The following ARHGAP22 variants were observed in gnomAD, a reference collection of about 807,000 sequenced individuals.
ARHGAP22 encodes rho GTPase-activating protein 22.
Under a neutral mutation model 59.1 loss-of-function variants are expected in ARHGAP22, and 48 were observed. The observed-to-expected ratio is 0.81, with a 90% CI of 0.64 to 1.03. ARHGAP22 has a LOEUF of 1.03. ARHGAP22 is among the 50% of genes least tolerant of loss of function. ARHGAP22 has a pLI of 0.00. For missense variants in ARHGAP22, 1,015 were observed against 958.7 expected, an observed-to-expected ratio of 1.06 and a Z score of -0.78; for synonymous variants, 445 against 416.4, an observed-to-expected ratio of 1.07 and a Z score of -0.84.
chr10:48,481,113 C>T (rs538940229), intron 3 of ARHGAP22, among the ~76,000 whole-genome samples: 8 of 152,336 alleles, frequency 5.3e-5, no homozygotes, highest in East Asian at 3.9e-4. Flanking sequence ...CTCAGGCAGC[C>T]GCTGGGCAGC....
chr10:48,491,269 C>T (rs2050364416), intron 3 of ARHGAP22, among the ~76,000 whole-genome samples: 1 of 152,216 alleles, frequency 6.6e-6, no homozygotes, highest in Non-Finnish European at 1.5e-5. Context: ...CCGGCATGCT[C>T]CTGCTTCACG....
downstream of ARHGAP22, among the ~76,000 whole-genome samples, chr10:48,442,517 GAA>G (rs1400705833): frequency 6.6e-6 from 1 of 152,190 alleles, no homozygotes; most frequent in African/African-American, 2.4e-5. Flanking sequence ...GTGTCACAAG[GAA>G]AAGATATTCT....
intron 1 of ARHGAP22, among the ~76,000 whole-genome samples, chr10:48,601,976 G>A (rs1564978775): frequency 6.6e-6 from 1 of 152,216 alleles, no homozygotes; most frequent in Non-Finnish European, 1.5e-5. Context: ...TAGAGAGAAG[G>A]CAGAGGCCTT....
At chr10:48,655,820 G>C (rs1325730876), upstream of ARHGAP22, 1 of 152,752 alleles carries the variant, frequency 6.5e-6, no homozygotes, top group Non-Finnish European at 1.5e-5. Flanking sequence ...ACACGCATTA[G>C]CCTGGCACCT....
At chr10:48,559,388 G>A (rs766660276) in intron 2 of ARHGAP22, among the ~76,000 whole-genome samples, 3 of 152,214 alleles carry the variant, frequency 2.0e-5, no homozygotes, top group Non-Finnish European at 4.4e-5. Context: ...CCTCCTGAGA[G>A]GCTGCAGCTG....
chr10:48,588,707 C>A (rs941570323), intron 1 of ARHGAP22, among the ~76,000 whole-genome samples: 1 of 152,220 alleles, frequency 6.6e-6, no homozygotes, highest in Non-Finnish European at 1.5e-5. Context: ...ATCTATGGAG[C>A]TCCTCCAGGT....
At chr10:48,620,375 C>T (rs1427552532) in intron 1 of ARHGAP22, among the ~76,000 whole-genome samples, 3 of 152,142 alleles carry the variant, frequency 2.0e-5, no homozygotes, top group African/African-American at 7.2e-5. Flanking sequence ...GATGGAGAAG[C>T]AGGCTCAGAG....
At chr10:48,543,224 C>T (rs566242130) in intron 3 of ARHGAP22, among the ~76,000 whole-genome samples, 57 of 152,308 alleles carry the variant, frequency 3.7e-4, no homozygotes, top group African/African-American at 1.2e-3. Flanking sequence ...CATTGAGCCC[C>T]GCAGAGTCCT....
At position 48,454,284 on chromosome 10, in the gene ARHGAP22, C is replaced by T. The variant is rs1012844864; in HGVS notation, c.793-123G>A. ...CTACGGCAGCCCAGCCCCAACAGAC[C>T]AGAGGGCTCCACCACCTCCACCTCC... On this transcript the variant is annotated intron_variant, in intron 6 of 9. Transcript: ENST00000249601. The T allele has an allele frequency of 1.4e-4, 117 of 846,974 alleles. 1 individual carries two copies. Among genetic ancestry groups the T allele is most frequent in the Non-Finnish European group, 2.1e-4 (105 of 508,168 alleles). 52.5% of individuals were successfully genotyped at this position (846,974 alleles called of 1,614,324 possible). A position where few individuals can be genotyped will look rare whatever the true frequency, so the allele number is the denominator to read the frequency against.
upstream of ARHGAP22, among the ~76,000 whole-genome samples, chr10:48,608,125 A>G (rs910844215): frequency 1.3e-5 from 2 of 152,240 alleles, no homozygotes; most frequent in Non-Finnish European, 2.9e-5. Flanking sequence ...GTTGAGAACC[A>G]CAGCTTTAGA....
chr10:48,576,277 A>T (rs1470981118), intron 2 of ARHGAP22, among the ~76,000 whole-genome samples: 1 of 152,230 alleles, frequency 6.6e-6, no homozygotes, highest in East Asian at 1.9e-4. Context: ...TTCAGAGGCC[A>T]GCGTGGGGCT....
At chr10:48,445,087 G>A (rs1461418862), downstream of ARHGAP22, 1 of 152,416 alleles carries the variant, frequency 6.6e-6, no homozygotes, top group Non-Finnish European at 1.5e-5. Context: ...CACACTGTGG[G>A]AGCTGCCCTG....
intron 3 of ARHGAP22, among the ~76,000 whole-genome samples, chr10:48,521,321 G>A (rs1457958092): frequency 6.6e-6 from 1 of 152,234 alleles, no homozygotes; most frequent in Non-Finnish European, 1.5e-5. Flanking sequence ...CAGCAGGAGA[G>A]CAAGGGGCTC....
At chr10:48,608,626 A>G (rs1046708887), upstream of ARHGAP22, among the ~76,000 whole-genome samples, 1 of 152,158 alleles carries the variant, frequency 6.6e-6, no homozygotes, top group South Asian at 2.1e-4. Flanking sequence ...TCCTGCTGCC[A>G]GGAGGTCGAT....
chr10:48,584,430 G>T (rs4838427), intron 1 of ARHGAP22, among the ~76,000 whole-genome samples: 3 of 152,252 alleles, frequency 2.0e-5, no homozygotes, highest in South Asian at 2.1e-4. Context: ...CTCCATGGAG[G>T]CTTCCTTCTG....
chr10:48,447,528 G>A (rs1190045198), intron 9 of ARHGAP22, among the ~76,000 whole-genome samples: 4 of 152,120 alleles, frequency 2.6e-5, no homozygotes, highest in Non-Finnish European at 5.9e-5. Context: ...CCACCAAAAC[G>A]AAGCCTCCAT....
intron 3 of ARHGAP22, among the ~76,000 whole-genome samples, chr10:48,512,552 A>G (rs2052886975): frequency 6.6e-6 from 1 of 152,258 alleles, no homozygotes; most frequent in Non-Finnish European, 1.5e-5. Context: ...CTAAGCCTCA[A>G]GCCAAATAAT....
rs375011253 is a variant in ARHGAP22 at position 48,509,792 on chromosome 10, C to A, written c.323-30028G>T. ...TGCTACTCCGGATTTCCAGGGACTT[C>A]CAGGCTCTGAAGACGCCCGACGAGT... On this transcript the variant is annotated intron_variant, in intron 3 of 9. Transcript: ENST00000249601. 7.9e-5 allele frequency among the ~76,000 whole-genome samples: 12 copies of A among 152,292 alleles called. No individual in the cohort carries two copies. In the East Asian group the frequency reaches 2.3e-3, roughly 29 times the overall value.
At chr10:48,445,209 A>AGAT (rs1011052540), downstream of ARHGAP22, 1 of 152,250 alleles carries the variant, frequency 6.6e-6, no homozygotes, top group African/African-American at 2.4e-5. Context: ...ACCTGACTCT[A>AGAT]GATGGAGCTC....
Sources: allele counts gnomAD v4.1 joint callset (sites outside exome capture counted in the v4.1 genomes callset), GRCh38; gene constraint gnomAD v4.1.1; transcripts MANE v1.5; gene names NCBI Gene and HGNC (gene_info 2026-07-23, HGNC 2026-07-21).